ERN1: variants seen among roughly 807,000 people sequenced by gnomAD.
ERN1 encodes the protein serine/threonine-protein kinase/endoribonuclease IRE1.
ERN1 carries 39 observed loss-of-function variants against 113.1 expected under a neutral mutation model. The ratio of observed to expected loss-of-function variants is 0.34; its 90% CI spans 0.27 to 0.45. The LOEUF is 0.45. Among genes scored for constraint, ERN1 ranks in the 20% least tolerant of loss-of-function variants. The pLI, the probability that ERN1 is intolerant of heterozygous loss-of-function variation, is 1.00. For synonymous variants in ERN1, 507 were observed against 515.9 expected, an observed-to-expected ratio of 0.98 and a Z score of 0.23; for missense variants, 976 against 1,274.8, an observed-to-expected ratio of 0.77 and a Z score of 3.57.
At position 64,054,586 on chromosome 17, in the gene ERN1, T is replaced by C; in HGVS notation, c.1764-147A>G. ...GCCTGGTGGCCCCGGAATCATCGCTTGTCTCAGTGTGCAAGCTCCCTGGAG... is the reference window on the plus strand; with the variant it reads ...GCCTGGTGGCCCCGGAATCATCGCTCGTCTCAGTGTGCAAGCTCCCTGGAG... On this transcript the variant is annotated intron_variant, in intron 14 of 21. Coordinates refer to ENST00000433197, the MANE Select transcript of ERN1 (RefSeq NM_001433.5). The surrounding 1 kb of genome is among the most constrained non-coding windows in gnomAD (Gnocchi z 4.9). 1 of 995,420 alleles carries C rather than the reference T, an allele frequency of 1.0e-6. No individual in the cohort carries two copies. The highest frequency in any genetic ancestry group is 1.5e-6 in the Non-Finnish European group (1 of 677,060). 61.7% of individuals were successfully genotyped at this position (995,420 alleles called of 1,614,324 possible).
At position 64,054,993 on chromosome 17, in the gene ERN1, T is replaced by G. The variant is rs1275553775; in HGVS notation, c.1673-165A>C. 6.6e-6 allele frequency among the ~76,000 whole-genome samples: 1 copy of G among 152,204 alleles called. No individual in the cohort carries two copies. The highest frequency in any genetic ancestry group is 1.5e-5 in the Non-Finnish European group (1 of 68,038). Reference sequence around the variant, plus strand: ...AAGAGCCTGCCAGGCCCACTCCCCATGTACACCCAGGACTGCCTCTTCCCC... The same window carrying G: ...AAGAGCCTGCCAGGCCCACTCCCCAGGTACACCCAGGACTGCCTCTTCCCC... On this transcript the variant is annotated intron_variant, in intron 13 of 21. Transcript: ENST00000433197. This position sits in a 1 kb window ranked among gnomAD's most constrained non-coding sequence, Gnocchi z 4.9.
At chr17:64,120,853 C>G (rs1387441905) in intron 1 of ERN1, among the ~76,000 whole-genome samples, 1 of 152,154 alleles carries the variant, frequency 6.6e-6, no homozygotes, top group Admixed American at 6.5e-5. Context: ...TACCTCCCAC[C>G]CCCATCCACA....
intron 1 of ERN1, among the ~76,000 whole-genome samples, chr17:64,115,449 G>A (rs1205975282): frequency 6.6e-6 from 1 of 152,170 alleles, no homozygotes; most frequent in African/African-American, 2.4e-5. Flanking sequence ...TCTAGCAGGA[G>A]AGTCGTGTAA....
intron 1 of ERN1, among the ~76,000 whole-genome samples, chr17:64,099,956 C>T (rs1914339420): frequency 6.6e-6 from 1 of 152,130 alleles, no homozygotes; most frequent in Non-Finnish European, 1.5e-5. Context: ...CTGTGCAAAG[C>T]CTGAAGTCTG....
At chr17:64,056,106 TG>T (rs1219052327) in intron 12 of ERN1, among the ~76,000 whole-genome samples, 158 bp from the exon 13 acceptor site, 1 of 152,132 alleles carries the variant, frequency 6.6e-6, no homozygotes, top group Non-Finnish European at 1.5e-5. Context: ...GAAGCAGAAT[TG>T]CTTCGATGAC....
chr17:64,072,004 G>C lies in ERN1; in HGVS notation c.455C>G (p.Ser152Cys). The C allele has an allele frequency of 6.3e-7, 1 of 1,581,102 alleles. No individual in the cohort carries two copies. ...AFADSLCPST[S>C]LLYLGRTEYT... Reference sequence around the variant, plus strand: ...ACCTGTTCGCCCAAGATACAGAAGAGAGGTTGATGGGCAGAGACTATCTGC... The same window carrying C: ...ACCTGTTCGCCCAAGATACAGAAGACAGGTTGATGGGCAGAGACTATCTGC... The change falls in exon 6 of 22, where the codon TCT becomes TGT. Residue 152 changes from serine to cysteine, a missense_variant. Around this residue, in one of 5 missense-constraint regions of ERN1, gnomAD observed 459 missense variants for 581.2 expected, o/e 0.79. Coordinates refer to ENST00000433197, the MANE Select transcript of ERN1 (RefSeq NM_001433.5).
intron 2 of ERN1, among the ~76,000 whole-genome samples, chr17:64,091,719 G>A (rs1914093318): frequency 6.6e-6 from 1 of 152,198 alleles, no homozygotes; most frequent in South Asian, 2.1e-4. Context: ...TTACATGGCT[G>A]CAAGTAGGGC....
intron 10 of ERN1, among the ~76,000 whole-genome samples, chr17:64,062,445 T>C (rs776984216): frequency 6.6e-6 from 1 of 152,262 alleles, no homozygotes; most frequent in African/African-American, 2.4e-5. Flanking sequence ...CTCAGTGCCA[T>C]ATTTTAAGAT....
intron 5 of ERN1, among the ~76,000 whole-genome samples, chr17:64,072,689 C>T (rs978630236): frequency 7.2e-5 from 11 of 152,354 alleles, no homozygotes; most frequent in African/African-American, 2.6e-4. Flanking sequence ...TCCCTGGCCT[C>T]GGGCCATACC....
intron 1 of ERN1, among the ~76,000 whole-genome samples, chr17:64,104,790 G>C (rs1914478125): frequency 1.3e-5 from 2 of 151,992 alleles, no homozygotes; most frequent in South Asian, 4.1e-4. Flanking sequence ...CTGCACTCCA[G>C]CCTGGGTGAC....
chr17:64,046,617 G>A (rs1912522878), intron 19 of ERN1, among the ~76,000 whole-genome samples: 1 of 152,220 alleles, frequency 6.6e-6, no homozygotes. Flanking sequence ...GTTGGGCCAG[G>A]CAGCGTCCTC....
chr17:64,049,556 ATTCC>A lies in ERN1; in HGVS notation c.2254-358_2254-355del, dbSNP rs1423968029. On this transcript the variant is annotated intron_variant, in intron 17 of 21. Coordinates refer to ENST00000433197, the MANE Select transcript of ERN1 (RefSeq NM_001433.5). The surrounding 1 kb of genome is among the most constrained non-coding windows in gnomAD (Gnocchi z 4.7). The stretch of plus-strand genomic sequence containing the variant: ...TCAAAAGCCCTCCTGGCTGTTATAT[ATTCC>A]TTACCCCCAACACGAAAGTGCTCAC... 6.6e-6 allele frequency among the ~76,000 whole-genome samples: 1 copy of A among 152,130 alleles called. No individual in the cohort carries two copies. The highest frequency in any genetic ancestry group is 1.5e-5 in the Non-Finnish European group (1 of 68,026).
At chr17:64,119,379 T>TG (rs1914894677) in intron 1 of ERN1, among the ~76,000 whole-genome samples, 1 of 82,600 alleles carries the variant, frequency 1.2e-5, no homozygotes, top group African/African-American at 9.2e-5. Context: ...TTTCTAGGTT[T>TG]TTTTTTTTTT....
rs1057122462 is a variant in ERN1 at position 64,039,979 on chromosome 17, G to A, written c.*4009C>T. On this transcript the variant is annotated 3_prime_UTR_variant, in exon 22 of 22. Transcript: ENST00000433197. ...TCACGGGAAATCACTGTTTCATAAAGAAGGAGGGGAGTAGACCATTGGGTT... is the reference window on the plus strand; with the variant it reads ...TCACGGGAAATCACTGTTTCATAAAAAAGGAGGGGAGTAGACCATTGGGTT... 6.6e-6 allele frequency: 1 copy of A among 152,214 alleles called. No homozygotes were observed. The highest frequency in any genetic ancestry group is 1.5e-5 in the Non-Finnish European group (1 of 68,052). 9.4% of individuals were successfully genotyped at this position (152,214 alleles called of 1,614,324 possible).
At chr17:64,106,715 TACACACACACACACAC>T (rs58544303) in intron 1 of ERN1, among the ~76,000 whole-genome samples, 16 of 103,386 alleles carry the variant, frequency 1.5e-4, no homozygotes, top group African/African-American at 4.8e-4. Context: ...CAGGGTTTCT[TACACACACACACACAC>T]ACACACACAC....
In ERN1 at chr17:64,055,751, GGCCCTGGGGGAC is replaced by G; in HGVS notation, c.1584_1595del (p.Pro530_Ser533del). 1 of 1,611,544 alleles carries G rather than the reference GGCCCTGGGGGAC, an allele frequency of 6.2e-7. No homozygotes were observed. The highest frequency in any genetic ancestry group is 8.5e-7 in the Non-Finnish European group (1 of 1,179,204). The stretch of plus-strand genomic sequence containing the variant: ...TGCCGGAGCAGAGCGAGTGGTTGGA[GGCCCTGGGGGAC>G]GTGCTGGGGCTGCTGGTGCCCGAGC... On this transcript the variant is annotated inframe_deletion, in exon 13 of 22. Coordinates refer to ENST00000433197, the MANE Select transcript of ERN1 (RefSeq NM_001433.5).
At chr17:64,066,410 G>A (rs542339009) in intron 8 of ERN1, among the ~76,000 whole-genome samples, 40 of 152,166 alleles carry the variant, frequency 2.6e-4, no homozygotes, top group African/African-American at 9.6e-4. Flanking sequence ...CAAGTAGCTG[G>A]AATTACAGGT....
chr17:64,073,542 A>G (rs1018794774), intron 5 of ERN1, among the ~76,000 whole-genome samples: 1 of 151,184 alleles, frequency 6.6e-6, no homozygotes, highest in African/African-American at 2.4e-5. Context: ...CCCAGGCTGG[A>G]GTGCAGTGGT....
At chr17:64,083,094 G>T (rs142079451) in intron 2 of ERN1, among the ~76,000 whole-genome samples, 153 of 152,214 alleles carry the variant, frequency 1.0e-3, no homozygotes, top group Non-Finnish European at 1.6e-3. Flanking sequence ...CTGAATTCAA[G>T]ATTTGCTTTA....
Sources: gnomAD v4.1 joint callset for allele counts (sites outside exome capture counted in the v4.1 genomes callset) on GRCh38, gnomAD v4.1.1 for gene constraint, gnomAD v4.1.1 regional missense constraint, Gnocchi (gnomAD v3.1) non-coding constraint, MANE v1.5 for transcripts, NCBI Gene and HGNC (gene_info 2026-07-23, HGNC 2026-07-21) for gene names.